Variants in CDH1 observed in about 807,000 individuals in gnomAD.
CDH1 encodes cadherin-1.
Under a neutral mutation model 84.5 loss-of-function variants are expected in CDH1, and 35 were observed. The observed-to-expected ratio is 0.41, with a 90% confidence interval of 0.32 to 0.55. CDH1 has a LOEUF of 0.55. Ranked by LOEUF, CDH1 falls within the 20% of genes least tolerant of loss-of-function variation. The pLI, the probability that CDH1 is intolerant of heterozygous loss-of-function variation, is 0.19. For synonymous variants in CDH1, 417 were observed against 439.0 expected (o/e 0.95, Z 0.63); for missense variants, 994 against 1,126.6 (o/e 0.88, Z 1.68).
At position 68,801,662 on chromosome 16, in the gene CDH1, C is replaced by T. The variant is rs2152126577; in HGVS notation, c.164-8C>T. On this transcript the variant is annotated splice_polypyrimidine_tract_variant and splice_region_variant and intron_variant, in intron 2 of 15. Coordinates refer to ENST00000261769, the MANE Select transcript of CDH1 (RefSeq NM_004360.5). ...AATTTCCTAATCTCTGTGATTTCTG[C>T]CCTGCAGTGAATTTTGAAGATTGCA... 2 of 1,607,110 alleles carry T rather than the reference C, an allele frequency of 1.2e-6. No individual in the cohort carries two copies. The highest frequency in any genetic ancestry group is 1.7e-6 in the Non-Finnish European group (2 of 1,173,626).
chr16:68,774,466 G>A (rs1038836523), intron 2 of CDH1, among the ~76,000 whole-genome samples: 50 of 152,072 alleles, frequency 3.3e-4, no homozygotes, highest in African/African-American at 1.2e-3. Flanking sequence ...CTTGCAGTGA[G>A]CCAAGATTGC....
At position 68,813,959 on chromosome 16, in the gene CDH1, G is replaced by A. The variant is rs764099942; in HGVS notation, c.1320+464G>A. Among the ~76,000 whole-genome samples the A allele has an allele frequency of 9.2e-5, 14 of 151,918 alleles. 1 individual carries two copies. The highest frequency in any genetic ancestry group is 1.9e-4 in the East Asian group (1 of 5,150). ...AGGGGTGGGCGGGGAAAAGGAGGCC[G>A]GGCGTGGTGGCTCACGCCTGTAATC... On this transcript the variant is annotated intron_variant, in intron 9 of 15. Coordinates refer to ENST00000261769, the MANE Select transcript of CDH1 (RefSeq NM_004360.5).
rs557551011 is a variant in CDH1, at chr16:68,813,483, G to A, written c.1308G>A (p.Leu436=). ...ATCCAGTGAACAACGATGGCATTTT[G>A]AAAACAGCAAAGGTTTGTATGGTAC... is the stretch of plus-strand genomic sequence containing the variant. The part of the protein sequence containing the change: ...TTNPVNNDGI[L]KTAKGLDFEA... Residue 436 remains leucine (L), a synonymous_variant, in exon 9 of 16, where the codon TTG becomes TTA. Coordinates refer to ENST00000261769, the MANE Select transcript of CDH1 (RefSeq NM_004360.5). 331 of 1,614,190 alleles carry A rather than the reference G, an allele frequency of 2.1e-4. 6 individuals are homozygous for A. The South Asian group carries it at 3.4e-3, about 17-fold the overall frequency.
intron 2 of CDH1, among the ~76,000 whole-genome samples, chr16:68,778,240 G>T (rs2152121644): frequency 6.6e-6 from 1 of 152,072 alleles, no homozygotes; most frequent in East Asian, 1.9e-4. Context: ...TACAGACGGG[G>T]TTTCACCATA....
At chr16:68,770,808 G>C (rs1157744967) in intron 2 of CDH1, 1 of 152,082 alleles carries the variant, frequency 6.6e-6, no homozygotes, top group Non-Finnish European at 1.5e-5. Context: ...AGTGTGGCAG[G>C]GCCTGGTGGG....
chr16:68,779,600 A>G (rs1462424803), intron 2 of CDH1, among the ~76,000 whole-genome samples: 1 of 152,220 alleles, frequency 6.6e-6, no homozygotes, highest in African/African-American at 2.4e-5. Flanking sequence ...TCACACCTGT[A>G]ATCCCAGCAC....
intron 13 of CDH1, among the ~76,000 whole-genome samples, chr16:68,823,992 C>CTTTTTTTTTTTTTTTTTT (rs889358029): frequency 1.0e-5 from 1 of 99,930 alleles, no homozygotes; most frequent in African/African-American, 4.2e-5. Flanking sequence ...TTCTGCATTT[C>CTTTTTTTTTTTTTTTTTT]TTTTTTTTTT....
chr16:68,775,137 A>G (rs1209744311), intron 2 of CDH1, among the ~76,000 whole-genome samples: 1 of 151,916 alleles, frequency 6.6e-6, no homozygotes, highest in East Asian at 1.9e-4. Context: ...AAAAAAAAAA[A>G]AAAAGAAAAA....
chr16:68,774,748 C>T (rs546486633), intron 2 of CDH1, among the ~76,000 whole-genome samples: 4 of 152,148 alleles, frequency 2.6e-5, no homozygotes, highest in African/African-American at 4.8e-5. Context: ...CTGGGGAGGA[C>T]ACCAGGAGGC....
At chr16:68,761,439 G>A (rs913397106) in intron 2 of CDH1, among the ~76,000 whole-genome samples, 8 of 152,296 alleles carry the variant, frequency 5.3e-5, no homozygotes, top group African/African-American at 7.2e-5. Flanking sequence ...TCCTCCATTC[G>A]TTTGTTCAGT....
Position 68,807,968 on chromosome 16 carries a change from AG to A in CDH1, c.388-454del, listed in dbSNP as rs773058552. Among the ~76,000 whole-genome samples, 3 of 152,292 alleles carry A rather than the reference AG, an allele frequency of 2.0e-5. No individual in the cohort carries two copies. In the East Asian group the frequency reaches 5.8e-4, roughly 29 times the overall value. ...ACACCTGTAGTCCCAGCTACTCAGG[AG>A]GCTGAGATGGGAGGGATGGCTTGAG... is the stretch of plus-strand genomic sequence containing the variant. On this transcript the variant is annotated intron_variant, in intron 3 of 15. Transcript: ENST00000261769.
At chr16:68,793,120 C>T (rs1960256519) in intron 2 of CDH1, among the ~76,000 whole-genome samples, 1 of 152,112 alleles carries the variant, frequency 6.6e-6, no homozygotes, top group Non-Finnish European at 1.5e-5. Flanking sequence ...GTTGTGGGCA[C>T]GTTAAGAGTC....
chr16:68,740,689 ATAT>A (rs1489772167), intron 2 of CDH1, among the ~76,000 whole-genome samples: 3 of 152,056 alleles, frequency 2.0e-5, no homozygotes, highest in African/African-American at 4.8e-5. Flanking sequence ...TTGACCAATA[ATAT>A]TATTACATAT....
intron 15 of CDH1, among the ~76,000 whole-genome samples, chr16:68,830,210 C>A (rs1315390355): frequency 1.3e-5 from 2 of 152,008 alleles, no homozygotes; most frequent in African/African-American, 4.8e-5. Flanking sequence ...GCCTTGGCCT[C>A]CCAAAGTGCT....
chr16:68,738,361 C>A lies in CDH1; in HGVS notation c.113C>A (p.Thr38Lys), dbSNP rs587778171. Residue 38 changes from threonine (T) to lysine (K), a missense_variant, in exon 2 of 16, where the codon ACG becomes AAG. Coordinates refer to ENST00000261769, the MANE Select transcript of CDH1 (RefSeq NM_004360.5). ...CCTGGCTTTGACGCCGAGAGCTACA[C>A]GTTCACGGTGCCCCGGCGCCACCTG... ...CHPGFDAESY[T>K]FTVPRRHLER... is the part of the protein sequence containing the mutation. 8.4e-6 allele frequency: 13 copies of A among 1,551,090 alleles called. No homozygotes were observed. In the South Asian group the frequency reaches 1.2e-4, roughly 14 times the overall value.
At chr16:68,763,031 C>T (rs1959271481) in intron 2 of CDH1, among the ~76,000 whole-genome samples, 1 of 151,784 alleles carries the variant, frequency 6.6e-6, no homozygotes, top group Middle Eastern at 3.4e-3. Context: ...CCTCTCTTCC[C>T]CACAGCAAGG....
intron 2 of CDH1, among the ~76,000 whole-genome samples, chr16:68,775,336 A>G (rs1567489527): frequency 6.6e-6 from 1 of 152,136 alleles, no homozygotes; most frequent in South Asian, 2.1e-4. Flanking sequence ...AAAACGTATA[A>G]TGTCATCTAA....
At chr16:68,830,656 G>A (rs897010945) in intron 15 of CDH1, among the ~76,000 whole-genome samples, 14 of 152,114 alleles carry the variant, frequency 9.2e-5, no homozygotes, top group Non-Finnish European at 1.9e-4. Context: ...ATCTTAGCAC[G>A]TAGACCCTTC....
intron 2 of CDH1, among the ~76,000 whole-genome samples, chr16:68,797,589 A>G (rs1960396157): frequency 6.6e-6 from 1 of 152,206 alleles, no homozygotes; most frequent in South Asian, 2.1e-4. Flanking sequence ...CTGAAGCAGG[A>G]GGATTGCTTG....
Sources: gnomAD v4.1 joint callset for allele counts (sites outside exome capture counted in the v4.1 genomes callset) on GRCh38, gnomAD v4.1.1 for gene constraint, MANE v1.5 for transcripts, NCBI Gene and HGNC (gene_info 2026-07-23, HGNC 2026-07-21) for gene names.